CSMD1: variants seen among roughly 807,000 people sequenced by gnomAD.
The protein encoded by CSMD1 is CUB and Sushi multiple domains 1.
In CSMD1, 213 loss-of-function variants were observed where a neutral mutation model predicts 417.5. The ratio of observed to expected loss-of-function variants is 0.51; its 90% CI spans 0.46 to 0.57. The LOEUF (loss-of-function observed/expected upper bound fraction) is 0.57, where lower values mean the gene tolerates loss of function less well. CSMD1 is among the 20% of genes least tolerant of loss of function. The probability of loss-of-function intolerance (pLI) is 0.00; values close to 1 mark genes in which losing one functional copy is unlikely to be tolerated. For synonymous variants in CSMD1, 2,862 were observed against 1,736.8 expected, an observed-to-expected ratio of 1.65 and a Z score of -16.11; for missense variants, 6,923 against 4,529.7, an observed-to-expected ratio of 1.53 and a Z score of -15.17.
intron 1 of CSMD1, among the ~76,000 whole-genome samples, chr8:4,772,184 G>A (rs1796634884): frequency 6.6e-6 from 1 of 152,062 alleles, no homozygotes; most frequent in African/African-American, 2.4e-5. Context: ...TTTCTTGCTG[G>A]CTGATGTCCA....
intron 3 of CSMD1, among the ~76,000 whole-genome samples, chr8:4,142,432 G>C (rs1324264583): frequency 6.6e-6 from 1 of 151,048 alleles, no homozygotes; most frequent in South Asian, 2.1e-4. Context: ...TACCATAACA[G>C]AACTAGTTTC....
intron 2 of CSMD1, among the ~76,000 whole-genome samples, chr8:4,491,271 G>A (rs1283381751): frequency 6.6e-6 from 1 of 152,066 alleles, no homozygotes; most frequent in Non-Finnish European, 1.5e-5. Flanking sequence ...AGACCATCAC[G>A]GAAGATCCCA....
At chr8:3,245,110 C>G (rs183147988) in intron 26 of CSMD1, among the ~76,000 whole-genome samples, 4 of 152,304 alleles carry the variant, frequency 2.6e-5, no homozygotes, top group Non-Finnish European at 1.5e-5. Context: ...TCATGAATTT[C>G]GTTAATTTCT....
chr8:3,525,543 A>C (rs1338414079), intron 10 of CSMD1, among the ~76,000 whole-genome samples: 3 of 152,172 alleles, frequency 2.0e-5, no homozygotes, highest in Non-Finnish European at 4.4e-5. Context: ...TATTGGTGAA[A>C]GCGATTGCCT....
At chr8:3,286,713 C>T (rs917315836) in intron 25 of CSMD1, among the ~76,000 whole-genome samples, 2 of 151,878 alleles carry the variant, frequency 1.3e-5, no homozygotes, top group African/African-American at 4.8e-5. Flanking sequence ...ATTGTAGATT[C>T]TGGTTATTAG....
At chr8:3,531,165 C>A (rs1268793184) in intron 10 of CSMD1, among the ~76,000 whole-genome samples, 2 of 152,034 alleles carry the variant, frequency 1.3e-5, no homozygotes, top group Non-Finnish European at 2.9e-5. Context: ...CTGGCCCATA[C>A]TACTTTAAGA....
At chr8:4,398,128 G>T (rs1226273411) in intron 3 of CSMD1, among the ~76,000 whole-genome samples, 6 of 152,128 alleles carry the variant, frequency 3.9e-5, no homozygotes, top group Admixed American at 2.0e-4. Context: ...GCCACATCTG[G>T]CAAAGTGTTT....
intron 3 of CSMD1, among the ~76,000 whole-genome samples, chr8:4,348,048 A>T (rs1230189197): frequency 6.6e-6 from 1 of 152,184 alleles, no homozygotes; most frequent in Non-Finnish European, 1.5e-5. Context: ...TAGTTACAAC[A>T]TACTCCAAAA....
intron 2 of CSMD1, among the ~76,000 whole-genome samples, chr8:4,620,611 C>A (rs1452220483): frequency 4.0e-5 from 6 of 151,682 alleles, no homozygotes; most frequent in African/African-American, 1.4e-4. Context: ...AATAAGACTG[C>A]TTGAAAAGCC....
At chr8:3,536,991 T>A (rs889969137) in intron 10 of CSMD1, among the ~76,000 whole-genome samples, 6 of 152,230 alleles carry the variant, frequency 3.9e-5, no homozygotes, top group Admixed American at 3.9e-4. Context: ...TAGGTCAAAC[T>A]CTTTTTTTCT....
chr8:4,860,735 G>A (rs1802081631), intron 1 of CSMD1, among the ~76,000 whole-genome samples: 1 of 152,060 alleles, frequency 6.6e-6, no homozygotes, highest in Non-Finnish European at 1.5e-5. Flanking sequence ...AACATACAGT[G>A]CTCTTCGTAT....
chr8:3,284,122 A>G lies in CSMD1; in HGVS notation c.4153+22T>C, dbSNP rs765887360. 2.6e-6 allele frequency: 4 copies of G among 1,537,332 alleles called. No individual in the cohort carries two copies. In the South Asian group the frequency reaches 3.6e-5, roughly 14 times the overall value. On this transcript the variant is annotated intron_variant, in intron 26 of 69. Coordinates refer to ENST00000635120, the MANE Select transcript of CSMD1 (RefSeq NM_033225.6). ...CAAGACTTTGATATCAAGGTAAAGA[A>G]GAAGCACGCTGTGCCACCTACTGGA... is the stretch of plus-strand genomic sequence containing the variant.
intron 6 of CSMD1, among the ~76,000 whole-genome samples, chr8:3,743,553 T>C (rs1015894754): frequency 6.6e-6 from 1 of 152,120 alleles, no homozygotes; most frequent in Non-Finnish European, 1.5e-5. Flanking sequence ...GAAAGAAAAT[T>C]AAATCTTGGG....
intron 5 of CSMD1, among the ~76,000 whole-genome samples, chr8:3,897,667 G>A (rs906610736): frequency 6.6e-6 from 1 of 151,930 alleles, no homozygotes; most frequent in Non-Finnish European, 1.5e-5. Flanking sequence ...GTTAATAATA[G>A]AATTATTATT....
At chr8:3,393,392 T>G (rs1811464324) in intron 17 of CSMD1, among the ~76,000 whole-genome samples, 1 of 152,188 alleles carries the variant, frequency 6.6e-6, no homozygotes, top group South Asian at 2.1e-4. Context: ...AGATCAGAAC[T>G]TTATGACTCT....
At chr8:3,488,568 A>C (rs1290353530) in intron 11 of CSMD1, among the ~76,000 whole-genome samples, 1 of 152,214 alleles carries the variant, frequency 6.6e-6, no homozygotes, top group Non-Finnish European at 1.5e-5. Context: ...TAATTATATG[A>C]AATGTATATC....
chr8:4,750,696 A>T (rs1049794062), intron 1 of CSMD1, among the ~76,000 whole-genome samples: 1 of 151,990 alleles, frequency 6.6e-6, no homozygotes, highest in African/African-American at 2.4e-5. Flanking sequence ...TAAACTGTGT[A>T]TTGAGTTTCC....
Position 3,919,277 on chromosome 8 carries a change from G to A in CSMD1, c.818+78626C>T, listed in dbSNP as rs778348024. 1.9e-4 allele frequency among the ~76,000 whole-genome samples: 29 copies of A among 151,878 alleles called. 1 individual carries two copies. The highest frequency in any genetic ancestry group is 4.2e-4 in the South Asian group (2 of 4,794). ...AAATGTTTTCTTCTAGGAGTTTTGC[G>A]GGTTTGGGTATCGCACTGAAGTCCT... On this transcript the variant is annotated intron_variant, in intron 5 of 69. Transcript: ENST00000635120.
intron 5 of CSMD1, among the ~76,000 whole-genome samples, chr8:3,957,058 A>C (rs879773765): frequency 1.3e-5 from 2 of 152,146 alleles, no homozygotes; most frequent in Admixed American, 1.3e-4. Flanking sequence ...ATAACGTAGG[A>C]GACAAAAACG....
Sources: gnomAD v4.1 joint callset for allele counts (sites outside exome capture counted in the v4.1 genomes callset) on GRCh38, gnomAD v4.1.1 for gene constraint, MANE v1.5 for transcripts, NCBI Gene and HGNC (gene_info 2026-07-23, HGNC 2026-07-21) for gene names.